NLGN2: variants seen among roughly 807,000 people sequenced by gnomAD.
The protein encoded by NLGN2 is neuroligin-2.
A neutral mutation model predicts 48.6 loss-of-function variants in NLGN2; 11 were observed. That is an observed-to-expected ratio of 0.23 (90% CI 0.14 to 0.37). The LOEUF is 0.37. NLGN2 is among the 10% of genes least tolerant of loss of function. The probability of loss-of-function intolerance (pLI) is 1.00; values close to 1 mark genes in which losing one functional copy is unlikely to be tolerated. For missense variants in NLGN2, 801 were observed against 1,225.2 expected (o/e 0.65, Z 5.17); for synonymous variants, 548 against 550.0 (o/e 1.00, Z 0.05).
Position 7,417,891 on chromosome 17 carries a change from T to C in NLGN2, c.*92T>C. 7.9e-7 allele frequency: 1 copy of C among 1,263,394 alleles called. No homozygotes were observed. Among genetic ancestry groups the C allele is most frequent in the Non-Finnish European group, 1.0e-6 (1 of 987,290 alleles). The allele number at this position is 1,263,394 out of a possible 1,614,324, so 78.3% of individuals were successfully genotyped here. A position where few individuals can be genotyped will look rare whatever the true frequency, so the allele number is the denominator to read the frequency against. ...GACTTGGCAACTGGCTTTTCTCCTG[T>C]GGAGTCGTCACACGCCATCCAGCAG... On this transcript the variant is annotated 3_prime_UTR_variant, in exon 7 of 7. Transcript: ENST00000302926.
At chr17:7,407,028 C>T (rs939844735), upstream of NLGN2, among the ~76,000 whole-genome samples, 3 of 152,098 alleles carry the variant, frequency 2.0e-5, no homozygotes, top group Non-Finnish European at 2.9e-5. Context: ...GGGCTTTTAG[C>T]GTTCTTGGTG....
chr17:7,409,029 A>G (rs962757999), intron 1 of NLGN2, among the ~76,000 whole-genome samples: 3 of 151,734 alleles, frequency 2.0e-5, no homozygotes, highest in African/African-American at 7.3e-5. Context: ...GCTAATCTCA[A>G]CCTGGCCACG....
At chr17:7,405,904 C>T (rs74945190), upstream of NLGN2, among the ~76,000 whole-genome samples, 30,934 of 152,096 alleles carry the variant, frequency 0.2, 3,925 homozygotes, top group Non-Finnish European at 0.29. This position sits in a 1 kb window ranked among gnomAD's most constrained non-coding sequence, Gnocchi z 6.8. Flanking sequence ...GGGGGGCCTG[C>T]GGCCTGAGCC....
upstream of NLGN2, among the ~76,000 whole-genome samples, chr17:7,407,266 G>A (rs1567658653): frequency 2.0e-5 from 3 of 152,148 alleles, no homozygotes; most frequent in South Asian, 2.1e-4. Flanking sequence ...CCCGGCAACC[G>A]GCTGCAGGAT....
chr17:7,417,422 C>A lies in NLGN2; in HGVS notation c.2131C>A (p.Arg711=). Residue 711 remains arginine, a synonymous_variant, in exon 7 of 7, where the codon CGG becomes AGG. Coordinates refer to ENST00000302926, the MANE Select transcript of NLGN2 (RefSeq NM_020795.4). ...RDRRQELRCR[R]LSPPGGSGSG... is the part of the protein sequence containing the mutation. ...CCGGCGGCAGGAGCTGCGGTGCAGG[C>A]GGCTTAGCCCACCTGGCGGCTCAGG... The A allele has an allele frequency of 3.7e-6, 6 of 1,605,488 alleles. No homozygotes were observed. The highest frequency in any genetic ancestry group is 5.1e-6 in the Non-Finnish European group (6 of 1,177,098).
Position 7,417,476 on chromosome 17 carries a change from CTCCCCG to C in NLGN2, c.2186_2191del (p.Leu729_Ala731delinsPro). The stretch of plus-strand genomic sequence containing the variant: ...TGGCGTGCCTGGTGGGGGCCCCCTG[CTCCCCG>C]CCGCGGGCCGTGAGCTGCCACCAGA... On this transcript the variant is annotated inframe_deletion, in exon 7 of 7. Coordinates refer to ENST00000302926, the MANE Select transcript of NLGN2 (RefSeq NM_020795.4). The C allele has an allele frequency of 6.5e-7, 1 of 1,526,842 alleles. No individual in the cohort carries two copies. The highest frequency in any genetic ancestry group is 8.8e-7 in the Non-Finnish European group (1 of 1,140,964). 94.6% of individuals were successfully genotyped at this position (1,526,842 alleles called of 1,614,324 possible).
rs1370350343 is a variant in NLGN2, at chr17:7,413,481, C to T, written c.509-863C>T. On this transcript the variant is annotated intron_variant, in intron 2 of 6. Transcript: ENST00000302926. This position sits in a 1 kb window ranked among gnomAD's most constrained non-coding sequence, Gnocchi z 4.9. The stretch of plus-strand genomic sequence containing the variant: ...AGCACTATGGCTGAATCATGGGGAG[C>T]TGCAGGGGAGGATACTGTAGCCTCG... Among the ~76,000 whole-genome samples the T allele has an allele frequency of 1.3e-5, 2 of 152,148 alleles. No homozygotes were observed. Among genetic ancestry groups the T allele is most frequent in the Non-Finnish European group, 2.9e-5 (2 of 68,008 alleles).
rs1012069985 is a variant in NLGN2 at position 7,409,168 on chromosome 17, C to T, written c.457+456C>T. On this transcript the variant is annotated intron_variant, in intron 1 of 6. Coordinates refer to ENST00000302926, the MANE Select transcript of NLGN2 (RefSeq NM_020795.4). ...AGCTACATCTGCACCCCAAGGACAACGCAGGCTCTCCCTCTCCCCCTGGCT... is the reference window on the plus strand; with the variant it reads ...AGCTACATCTGCACCCCAAGGACAATGCAGGCTCTCCCTCTCCCCCTGGCT... Among the ~76,000 whole-genome samples the T allele has an allele frequency of 1.2e-4, 19 of 152,106 alleles. 1 individual carries two copies. Among genetic ancestry groups the T allele is most frequent in the Non-Finnish European group, 1.5e-5 (1 of 67,998 alleles).
intron 2 of NLGN2, 24 bp from the exon 3 acceptor site, chr17:7,414,320 A>AGG: frequency 8.2e-7 from 1 of 1,223,746 alleles, no homozygotes; most frequent in Non-Finnish European, 1.1e-6. Context: ...CCCCTGGCCC[A>AGG]CCTGCCCACC....
upstream of NLGN2, among the ~76,000 whole-genome samples, chr17:7,406,639 G>A (rs1597705322): frequency 1.4e-5 from 2 of 142,256 alleles, no homozygotes; most frequent in South Asian, 2.4e-4. Context: ...CAGCTCTGGC[G>A]GCTGGTGGGG....
rs938825879 is a variant in NLGN2, at chr17:7,408,213, G to GT, written c.-43_-42insT. Reference sequence around the variant, plus strand: ...CTCCCCCCCTTCTCTCTCTCTCCGAGGGGGGGGGGTCCCAGGGAGGGAGGG... The same window carrying GT: ...CTCCCCCCCTTCTCTCTCTCTCCGAGTGGGGGGGGGTCCCAGGGAGGGAGGG... On this transcript the variant is annotated 5_prime_UTR_variant, in exon 1 of 7. Coordinates refer to ENST00000302926, the MANE Select transcript of NLGN2 (RefSeq NM_020795.4). This position sits in a 1 kb window ranked among gnomAD's most constrained non-coding sequence, Gnocchi z 7.5. The GT allele has an allele frequency of 2.9e-4, 87 of 304,104 alleles. No individual in the cohort carries two copies. Among genetic ancestry groups the GT allele is most frequent in the Non-Finnish European group, 3.9e-4 (81 of 208,888 alleles). The allele number at this position is 304,104 out of a possible 1,614,324, so 18.8% of individuals were successfully genotyped here.
In NLGN2 at chr17:7,418,005, A is replaced by C; in HGVS notation, c.*206A>C. The stretch of plus-strand genomic sequence containing the variant: ...CTCTTCTCTGGATCTGGGCCTTTGA[A>C]CAACTGGGGGGCGTTTTCTCCCCCC... On this transcript the variant is annotated 3_prime_UTR_variant, in exon 7 of 7. Coordinates refer to ENST00000302926, the MANE Select transcript of NLGN2 (RefSeq NM_020795.4). The C allele has an allele frequency of 5.2e-6, 2 of 386,440 alleles. No homozygotes were observed. Among genetic ancestry groups the C allele is most frequent in the East Asian group, 4.0e-5 (1 of 24,884 alleles). 23.9% of individuals were successfully genotyped at this position (386,440 alleles called of 1,614,324 possible).
At chr17:7,415,285 T>C (rs1038545339) in intron 5 of NLGN2, 137 bp downstream of exon 5, 70 of 892,744 alleles carry the variant, frequency 7.8e-5, no homozygotes, top group Non-Finnish European at 1.1e-4. Context: ...TTGCAAGCCT[T>C]CCTTCAGTGG....
In NLGN2 at chr17:7,408,560, T is replaced by C. The variant is rs1367040923; in HGVS notation, c.305T>C (p.Leu102Pro). 1.9e-6 allele frequency: 3 copies of C among 1,551,172 alleles called. No homozygotes were observed. Among genetic ancestry groups the C allele is most frequent in the East Asian group, 2.4e-5 (1 of 41,100 alleles). ...CCCGGCGTGCGCAACGCCACCACCC[T>C]GCCGCCCGCCTGCCCGCAGAACCTG... is the stretch of plus-strand genomic sequence containing the variant. ...SWPGVRNATTLPPACPQNLHG... is the reference protein window; with the variant it reads ...SWPGVRNATTPPPACPQNLHG... The change falls in exon 1 of 7, where the codon CTG (leucine) becomes CCG (proline). Residue 102 changes from leucine (L) to proline (P), a missense_variant. Physicochemically the swap from Leu to Pro is moderately conservative, Grantham distance 98 (BLOSUM62 -3). Coordinates refer to ENST00000302926, the MANE Select transcript of NLGN2 (RefSeq NM_020795.4). This position sits in a 1 kb window ranked among gnomAD's most constrained non-coding sequence, Gnocchi z 7.5.
At position 7,418,937 on chromosome 17, in the gene NLGN2, G is replaced by A. The variant is rs1907269246; in HGVS notation, c.*1138G>A. 1 of 152,652 alleles carries A rather than the reference G, an allele frequency of 6.6e-6. No individual in the cohort carries two copies. The allele number at this position is 152,652 out of a possible 1,614,324, so 9.5% of individuals were successfully genotyped here. A position where few individuals can be genotyped will look rare whatever the true frequency, so the allele number is the denominator to read the frequency against. On this transcript the variant is annotated 3_prime_UTR_variant, in exon 7 of 7. Coordinates refer to ENST00000302926, the MANE Select transcript of NLGN2 (RefSeq NM_020795.4). The stretch of plus-strand genomic sequence containing the variant: ...GCCAAGAATTTCCCAGTCCCAGGCA[G>A]GGCAGGGGAAACTAAGGGCAAGCAG...
rs1009923618 is a variant in NLGN2 at position 7,417,953 on chromosome 17, T to C, written c.*154T>C. The C allele has an allele frequency of 4.9e-6, 3 of 612,938 alleles. No homozygotes were observed. Among genetic ancestry groups the C allele is most frequent in the South Asian group, 1.5e-4 (2 of 13,150 alleles). 38.0% of individuals were successfully genotyped at this position (612,938 alleles called of 1,614,324 possible). A position where few individuals can be genotyped will look rare whatever the true frequency, so the allele number is the denominator to read the frequency against. ...ACATGGGATTCCTCCCTGCGATGCGTGTCTTTCCCACGCAGAGAAGCCCAG... is the reference window on the plus strand; with the variant it reads ...ACATGGGATTCCTCCCTGCGATGCGCGTCTTTCCCACGCAGAGAAGCCCAG... On this transcript the variant is annotated 3_prime_UTR_variant, in exon 7 of 7. Coordinates refer to ENST00000302926, the MANE Select transcript of NLGN2 (RefSeq NM_020795.4).
At chr17:7,406,064 G>GGA (rs1381014279), upstream of NLGN2, among the ~76,000 whole-genome samples, 1 of 152,160 alleles carries the variant, frequency 6.6e-6, no homozygotes, top group African/African-American at 2.4e-5. Context: ...GGGAAAGACA[G>GGA]GAGAGAGAGA....
chr17:7,416,209 C>CCTCACTCTGGCTTGCCCTCTT, intron 6 of NLGN2, 102 bp downstream of exon 6: 1 of 916,902 alleles, frequency 1.1e-6, no homozygotes, highest in Non-Finnish European at 1.7e-6. Context: ...CCCTCTTGCT[C>CCTCACTCTGGCTTGCCCTCTT]GAGTGAAACC....
At chr17:7,412,900 T>TCTTA (rs5819157) in intron 2 of NLGN2, among the ~76,000 whole-genome samples, 82,294 of 151,152 alleles carry the variant, frequency 0.54, 24,090 homozygotes, top group East Asian at 0.92. Context: ...TTTTTTTCTT[T>TCTTA]CTTTCTTTCT....
Sources: allele counts gnomAD v4.1 joint callset (sites outside exome capture counted in the v4.1 genomes callset), GRCh38; gene constraint gnomAD v4.1.1; non-coding constraint Gnocchi (gnomAD v3.1); transcripts MANE v1.5; gene names NCBI Gene and HGNC (gene_info 2026-07-23, HGNC 2026-07-21).